Variants in BANK1 observed in about 807,000 individuals in gnomAD.
BANK1 encodes the protein B-cell scaffold protein with ankyrin repeats.
In BANK1, 95 loss-of-function variants were observed where a neutral mutation model predicts 94.5. The observed-to-expected ratio is 1.00, with a 90% CI of 0.85 to 1.19. The LOEUF (loss-of-function observed/expected upper bound fraction) is 1.19. BANK1 is among the 50% of genes most tolerant of loss of function. The pLI is 0.00. For missense variants in BANK1, 987 were observed against 932.2 expected (o/e 1.06, Z -0.77); for synonymous variants, 334 against 308.4 (o/e 1.08, Z -0.87).
chr4:102,034,448 G>C (rs535866920), intron 10 of BANK1, among the ~76,000 whole-genome samples: 1 of 152,226 alleles, frequency 6.6e-6, no homozygotes, highest in East Asian at 1.9e-4. Flanking sequence ...CTCTAAATGA[G>C]ATAAAATTAG....
intron 2 of BANK1, among the ~76,000 whole-genome samples, chr4:101,854,492 C>A (rs1727607777): frequency 6.6e-6 from 1 of 152,052 alleles, no homozygotes; most frequent in Non-Finnish European, 1.5e-5. Flanking sequence ...ACACTTATTT[C>A]CATAGAATGC....
intron 7 of BANK1, among the ~76,000 whole-genome samples, chr4:101,975,698 C>G (rs1349297190): frequency 1.3e-5 from 2 of 152,100 alleles, no homozygotes; most frequent in Non-Finnish European, 2.9e-5. Context: ...GAATTATTAT[C>G]ATTTGTTTTA....
intron 7 of BANK1, among the ~76,000 whole-genome samples, chr4:102,000,417 T>C (rs1282711892): frequency 1.3e-5 from 2 of 151,712 alleles, no homozygotes; most frequent in East Asian, 3.9e-4. Context: ...ATTGGGACTG[T>C]CCTAGGCAAG....
In BANK1 at chr4:101,971,619, T is replaced by G. The variant is rs535055506; in HGVS notation, c.1207-49895T>G. On this transcript the variant is annotated intron_variant, in intron 7 of 16. Transcript: ENST00000322953. ...AGTTTTCCCCTGGCAGTTTACAGTT[T>G]CTGGTTTTACATTTAAGTATTTATA... is the stretch of plus-strand genomic sequence containing the variant. Among the ~76,000 whole-genome samples, 3 of 152,252 alleles carry G rather than the reference T, an allele frequency of 2.0e-5. No individual in the cohort carries two copies. In the South Asian group the frequency reaches 6.2e-4, roughly 31 times the overall value.
At chr4:101,865,307 G>T (rs1578365514) in intron 4 of BANK1, among the ~76,000 whole-genome samples, 2 of 152,108 alleles carry the variant, frequency 1.3e-5, no homozygotes, top group East Asian at 1.9e-4. Flanking sequence ...TGTTAATTTT[G>T]ATGAATGTCT....
chr4:102,025,547 G>A (rs1727062491), intron 9 of BANK1, 38 bp downstream of exon 9: 1 of 1,583,054 alleles, frequency 6.3e-7, no homozygotes, highest in African/African-American at 1.3e-5. Context: ...ACAAAACAAA[G>A]ACAAATCTTT....
intron 11 of BANK1, among the ~76,000 whole-genome samples, chr4:102,055,929 T>C (rs1227361929): frequency 6.6e-6 from 1 of 151,962 alleles, no homozygotes; most frequent in Non-Finnish European, 1.5e-5. Flanking sequence ...TTAAGAAGAA[T>C]TGAAAGGTAA....
At chr4:102,063,861 C>G (rs1728506322) in intron 13 of BANK1, among the ~76,000 whole-genome samples, 1 of 150,786 alleles carries the variant, frequency 6.6e-6, no homozygotes, top group African/African-American at 2.4e-5. Context: ...AAGAGACATG[C>G]TTTTTAATAA....
At chr4:101,835,876 C>G (rs982434773) in intron 2 of BANK1, among the ~76,000 whole-genome samples, 2 of 152,162 alleles carry the variant, frequency 1.3e-5, no homozygotes, top group Non-Finnish European at 2.9e-5. Flanking sequence ...GTATCATTCA[C>G]CATTGAACAA....
intron 6 of BANK1, 64 bp downstream of exon 6, chr4:101,895,474 A>C: frequency 1.0e-6 from 1 of 1,001,472 alleles, no homozygotes; most frequent in Admixed American, 2.2e-5. Flanking sequence ...TAACTCTTTA[A>C]TGAATGTTAT....
At chr4:102,014,722 G>A (rs2148943791) in intron 7 of BANK1, among the ~76,000 whole-genome samples, 1 of 152,118 alleles carries the variant, frequency 6.6e-6, no homozygotes, top group East Asian at 1.9e-4. Flanking sequence ...ACATTTACAA[G>A]GTATTTTCGA....
intron 5 of BANK1, among the ~76,000 whole-genome samples, chr4:101,872,561 G>A (rs1458614525): frequency 6.6e-6 from 1 of 152,202 alleles, no homozygotes; most frequent in Admixed American, 6.5e-5. Flanking sequence ...AACTGCAGAG[G>A]CATTGCCATG....
intron 1 of BANK1, among the ~76,000 whole-genome samples, chr4:101,817,666 C>T (rs1467763658): frequency 1.3e-5 from 2 of 151,370 alleles, no homozygotes; most frequent in Non-Finnish European, 1.5e-5. Flanking sequence ...CTGCACATCT[C>T]GCACACGTGC....
At chr4:101,850,121 T>C (rs1727416681) in intron 2 of BANK1, among the ~76,000 whole-genome samples, 1 of 152,236 alleles carries the variant, frequency 6.6e-6, no homozygotes, top group African/African-American at 2.4e-5. Context: ...GTGTTCAGAA[T>C]GAAATACAAT....
chr4:102,030,524 G>T (rs976035542), intron 10 of BANK1, among the ~76,000 whole-genome samples: 2 of 151,732 alleles, frequency 1.3e-5, no homozygotes, highest in Non-Finnish European at 2.9e-5. Context: ...ATGGTAGTCT[G>T]CTGTACCCAT....
At chr4:101,963,477 T>C (rs190998253) in intron 7 of BANK1, among the ~76,000 whole-genome samples, 38 of 152,268 alleles carry the variant, frequency 2.5e-4, no homozygotes, top group Admixed American at 7.2e-4. Context: ...CAGAATCCTC[T>C]CTAGCAACAT....
chr4:101,887,805 T>C (rs1227524479), intron 5 of BANK1, among the ~76,000 whole-genome samples: 1 of 152,174 alleles, frequency 6.6e-6, no homozygotes, highest in African/African-American at 2.4e-5. Context: ...TTCAAAGAAA[T>C]GATTCATTCA....
At chr4:101,948,789 CT>C (rs1278622258) in intron 7 of BANK1, among the ~76,000 whole-genome samples, 5 of 152,154 alleles carry the variant, frequency 3.3e-5, no homozygotes, top group Admixed American at 3.3e-4. Flanking sequence ...GCAAAAATCA[CT>C]TGTTATTTTT....
At chr4:102,052,483 A>G (rs1266205483) in intron 11 of BANK1, among the ~76,000 whole-genome samples, 5 of 151,148 alleles carry the variant, frequency 3.3e-5, no homozygotes, top group African/African-American at 1.2e-4. Context: ...GAAGAAGGGA[A>G]GGAGAGTTTT....
Sources: gnomAD v4.1 joint callset for allele counts (sites outside exome capture counted in the v4.1 genomes callset) on GRCh38, gnomAD v4.1.1 for gene constraint, MANE v1.5 for transcripts, NCBI Gene and HGNC (gene_info 2026-07-23, HGNC 2026-07-21) for gene names.